UVSSA: variants seen among roughly 807,000 people sequenced by gnomAD.
UVSSA encodes the protein UV stimulated scaffold protein A.
A neutral mutation model predicts 73.9 loss-of-function variants in UVSSA; 72 were observed. The observed-to-expected ratio is 0.97, with a 90% confidence interval of 0.81 to 1.19. UVSSA has a LOEUF of 1.19. Ranked by LOEUF, UVSSA falls within the 50% of genes most tolerant of loss-of-function variation. The pLI is 0.00. For missense variants in UVSSA, 1,150 were observed against 965.0 expected, an observed-to-expected ratio of 1.19 and a Z score of -2.54; for synonymous variants, 454 against 391.3, an observed-to-expected ratio of 1.16 and a Z score of -1.89.
chr4:1,380,785 G>A (rs1162938541), intron 11 of UVSSA, 95 bp from the exon 12 acceptor site: 8 of 1,587,054 alleles, frequency 5.0e-6, no homozygotes, highest in African/African-American at 1.3e-5. Flanking sequence ...CACCCACCCT[G>A]GTCGCTGTTT....
rs191225312 is a variant in UVSSA, at chr4:1,356,232, T to C, written c.1176+987T>C. 5.3e-5 allele frequency among the ~76,000 whole-genome samples: 8 copies of C among 151,846 alleles called. 1 individual carries two copies. The highest frequency in any genetic ancestry group is 3.4e-3 in the Middle Eastern group (1 of 294). On this transcript the variant is annotated intron_variant, in intron 7 of 13. Coordinates refer to ENST00000389851, the MANE Select transcript of UVSSA (RefSeq NM_020894.4). ...GTGGAAGTGACACTGTGCTCCTTGC[T>C]GAGGAAGAGGTTGGGTTCCACAGCA...
chr4:1,369,760 T>C (rs1006730886), intron 8 of UVSSA, among the ~76,000 whole-genome samples: 1 of 152,266 alleles, frequency 6.6e-6, no homozygotes, highest in African/African-American at 2.4e-5. Context: ...GCTTTGGTGC[T>C]TCAGGCAAAT....
chr4:1,345,803 G>C (rs549604327), upstream of UVSSA, among the ~76,000 whole-genome samples: 9 of 152,170 alleles, frequency 5.9e-5, no homozygotes, highest in African/African-American at 9.7e-5. Context: ...GGTAAGAAAA[G>C]TTGGATAAAG....
At chr4:1,371,073 G>A (rs536658373) in intron 8 of UVSSA, among the ~76,000 whole-genome samples, 1 of 152,196 alleles carries the variant, frequency 6.6e-6, no homozygotes. Context: ...TTGGTAAGTG[G>A]AGGCACTGTG....
exon 14 of UVSSA, chr4:1,395,734 T>TTC: frequency 6.2e-7 from 1 of 1,614,224 alleles, no homozygotes; most frequent in African/African-American, 1.3e-5. Context: ...TTCTGTAGGT[T>TTC]TCCTGTCCTG....
Position 1,353,218 on chromosome 4 carries a change from G to T in UVSSA, c.739G>T (p.Asp247Tyr). Reference protein sequence around the residue: ...PCRSGTPDPRDGEQPCCSRDL... With the variant: ...PCRSGTPDPRYGEQPCCSRDL... The stretch of plus-strand genomic sequence containing the variant: ...CCGGTCTGGCACCCCTGACCCCCGG[G>T]ACGGGGAGCAGCCCTGCTGCAGTAG... Residue 247 changes from aspartate to tyrosine, a missense_variant, in exon 5 of 14, where the codon GAC becomes TAC. Coordinates refer to ENST00000389851, the MANE Select transcript of UVSSA (RefSeq NM_020894.4). 6.2e-7 allele frequency: 1 copy of T among 1,612,330 alleles called. No individual in the cohort carries two copies. Among genetic ancestry groups the T allele is most frequent in the Non-Finnish European group, 8.5e-7 (1 of 1,179,850 alleles).
upstream of UVSSA, among the ~76,000 whole-genome samples, chr4:1,344,136 G>A (rs1422815818): frequency 1.3e-5 from 2 of 152,032 alleles, no homozygotes; most frequent in Non-Finnish European, 2.9e-5. Context: ...CTGCTTCTAA[G>A]ATTTGTCACT....
rs184693297 is a variant in UVSSA at position 1,369,352 on chromosome 4, C to T, written c.1288+2921C>T. Among the ~76,000 whole-genome samples the T allele has an allele frequency of 3.8e-3, 573 of 152,344 alleles. 5 individuals are homozygous for T. Among genetic ancestry groups the T allele is most frequent in the African/African-American group, 0.013 (535 of 41,586 alleles). On this transcript the variant is annotated intron_variant, in intron 8 of 13. Transcript: ENST00000389851. ...CCTGGCCCCACTCAGCTTCACACCCCGGGGGCCCCAGGAGTGCCGGAGGCG... is the reference window on the plus strand; with the variant it reads ...CCTGGCCCCACTCAGCTTCACACCCTGGGGGCCCCAGGAGTGCCGGAGGCG...
intron 8 of UVSSA, chr4:1,374,772 C>G (rs754608160): frequency 6.7e-6 from 1 of 148,430 alleles, no homozygotes; most frequent in Non-Finnish European, 1.5e-5. Context: ...GGTGCAGCCC[C>G]GGGCGTTTCT....
intron 7 of UVSSA, 48 bp downstream of exon 7, chr4:1,355,293 G>T: frequency 6.5e-7 from 1 of 1,547,422 alleles, no homozygotes; most frequent in South Asian, 1.2e-5. Flanking sequence ...GGCCTCAGTG[G>T]GGGAGGAGAA....
At chr4:1,380,332 T>C in intron 11 of UVSSA, 102 bp downstream of exon 11, 1 of 1,379,068 alleles carries the variant, frequency 7.3e-7, no homozygotes, top group South Asian at 1.4e-5. Context: ...GTCAGGGTGC[T>C]TGTGAGCACT....
At chr4:1,371,491 T>C (rs1356455666) in intron 8 of UVSSA, among the ~76,000 whole-genome samples, 3 of 152,142 alleles carry the variant, frequency 2.0e-5, no homozygotes, top group African/African-American at 7.2e-5. Context: ...TCTTGCATAG[T>C]GTATTACTCC....
At chr4:1,363,083 G>A (rs1244766495) in intron 7 of UVSSA, among the ~76,000 whole-genome samples, 2 of 147,672 alleles carry the variant, frequency 1.4e-5, no homozygotes, top group African/African-American at 5.1e-5. Flanking sequence ...CCGCAGTGAA[G>A]CCCCTCAATG....
intron 1 of UVSSA, 107 bp downstream of exon 1, chr4:1,347,867 T>C (rs1560413372): frequency 1.9e-6 from 1 of 535,706 alleles, no homozygotes; most frequent in Admixed American, 3.3e-5. Flanking sequence ...CACACGGGAT[T>C]GTAGAGGTCC....
At position 1,387,108 on chromosome 4, in the gene UVSSA, T is replaced by G. The variant is rs1265015084; in HGVS notation, c.*1147T>G. 3.3e-5 allele frequency: 5 copies of G among 152,028 alleles called. No individual in the cohort carries two copies. Among genetic ancestry groups the G allele is most frequent in the African/African-American group, 1.2e-4 (5 of 41,364 alleles). The allele number at this position is 152,028 out of a possible 1,614,324, so 9.4% of individuals were successfully genotyped here. A position where few individuals can be genotyped will look rare whatever the true frequency, so the allele number is the denominator to read the frequency against. The stretch of plus-strand genomic sequence containing the variant: ...ATTTATTTATTTTTGAAATGGAATC[T>G]TGCTCTGTCGCCAGGCTGGAGTGCA... On this transcript the variant is annotated 3_prime_UTR_variant, in exon 14 of 14. Transcript: ENST00000389851.
In UVSSA at chr4:1,375,444, C is replaced by T. The variant is rs749214129; in HGVS notation, c.1369C>T (p.Pro457Ser). Reference sequence around the variant, plus strand: ...GAGGATGGACGAGGAGGTGTCGGACCCCACCTCTGCGGCTGCTCAGCTGCG... The same window carrying T: ...GAGGATGGACGAGGAGGTGTCGGACTCCACCTCTGCGGCTGCTCAGCTGCG... ...RTRMDEEVSD[P>S]TSAAAQLRQL... The change falls in exon 9 of 14, where the codon CCC becomes TCC. Residue 457 changes from proline (P) to serine (S), a missense_variant. Physicochemically the swap from Pro to Ser is moderately conservative, Grantham distance 74. Transcript: ENST00000389851. 7 of 1,613,316 alleles carry T rather than the reference C, an allele frequency of 4.3e-6. No individual in the cohort carries two copies. Among genetic ancestry groups the T allele is most frequent in the Non-Finnish European group, 5.9e-6 (7 of 1,180,002 alleles).
intron 4 of UVSSA, 92 bp from the exon 5 acceptor site, chr4:1,352,938 C>T (rs989306418): frequency 4.9e-5 from 74 of 1,498,222 alleles, no homozygotes; most frequent in Admixed American, 1.5e-4. Context: ...AAGTGACACC[C>T]TGCGGGGAGT....
chr4:1,358,707 C>T (rs1716169570), intron 7 of UVSSA: 1 of 152,202 alleles, frequency 6.6e-6, no homozygotes, highest in South Asian at 2.1e-4. Context: ...TAATTAGAGC[C>T]ATTTTAATTA....
intron 8 of UVSSA, among the ~76,000 whole-genome samples, chr4:1,371,256 C>CTGTGTG (rs34839757): frequency 0.058 from 8,497 of 146,538 alleles, 565 homozygotes; most frequent in East Asian, 0.23. Flanking sequence ...GTGGGTGGAC[C>CTGTGTG]TGTGTGTGTG....
Sources: allele counts gnomAD v4.1 joint callset (sites outside exome capture counted in the v4.1 genomes callset), GRCh38; gene constraint gnomAD v4.1.1; transcripts MANE v1.5; gene names NCBI Gene and HGNC (gene_info 2026-07-23, HGNC 2026-07-21).